RNASET2: variants seen among roughly 807,000 people sequenced by gnomAD.
The protein encoded by RNASET2 is ribonuclease T2, also known as ribonuclease 6.
In RNASET2, 28 loss-of-function variants were observed where a neutral mutation model predicts 33.9. The ratio of observed to expected loss-of-function variants is 0.83; its 90% CI spans 0.61 to 1.13. The LOEUF (loss-of-function observed/expected upper bound fraction) is 1.13. RNASET2 is among the 50% of genes most tolerant of loss of function. RNASET2 has a pLI of 0.00. For missense variants in RNASET2, 330 were observed against 319.9 expected (o/e 1.03, Z -0.24); for synonymous variants, 123 against 121.0 (o/e 1.02, Z -0.11).
rs889354320 is a variant in RNASET2, at chr6:166,926,374, C to G, written c.*3214G>C. Among the ~76,000 whole-genome samples, 15 of 151,780 alleles carry G rather than the reference C, an allele frequency of 9.9e-5. No individual in the cohort carries two copies. Among genetic ancestry groups the G allele is most frequent in the Admixed American group, 5.2e-4 (8 of 15,258 alleles). On this transcript the variant is annotated 3_prime_UTR_variant, in exon 9 of 9. Transcript: ENST00000508775. ...CCAACACAGTGAAACCCCAACTCTA[C>G]TAAAAATACAAAAAATAGCCGGGCA...
In RNASET2 at chr6:166,938,975, G is replaced by C; in HGVS notation, c.366C>G (p.Ala122=). ...GGGAGTTGAGCGCATCCACCTGGGC[G>C]GCGCAGGTCCCATGCTTTTCCCACT... is the stretch of plus-strand genomic sequence containing the variant. The part of the protein sequence containing the change: ...KHEWEKHGTC[A]AQVDALNSQK... Residue 122 remains alanine (A), a synonymous_variant, in exon 6 of 9, where the codon GCC becomes GCG. Transcript: ENST00000508775. The C allele has an allele frequency of 6.2e-7, 1 of 1,613,570 alleles. No individual in the cohort carries two copies. Among genetic ancestry groups the C allele is most frequent in the Non-Finnish European group, 8.5e-7 (1 of 1,179,958 alleles).
Position 166,928,812 on chromosome 6 carries a change from C to T in RNASET2, c.*776G>A, listed in dbSNP as rs758844470. 1.3e-5 allele frequency among the ~76,000 whole-genome samples: 2 copies of T among 152,190 alleles called. No homozygotes were observed. The highest frequency in any genetic ancestry group is 2.9e-5 in the Non-Finnish European group (2 of 68,030). On this transcript the variant is annotated 3_prime_UTR_variant, in exon 9 of 9. Coordinates refer to ENST00000508775, the MANE Select transcript of RNASET2 (RefSeq NM_003730.6). ...TCACATATCTAGAAGGTAAGGGTAC[C>T]TCCGGTTCTGGAACACACAATGTAG... is the stretch of plus-strand genomic sequence containing the variant.
In RNASET2 at chr6:166,946,665, T is replaced by C. The variant is rs112364937; in HGVS notation, c.261+17A>G. 3.0e-3 allele frequency: 4,149 copies of C among 1,368,208 alleles called. 11 individuals are homozygous for C. Among genetic ancestry groups the C allele is most frequent in the Non-Finnish European group, 3.9e-3 (3,776 of 970,318 alleles). 84.8% of individuals were successfully genotyped at this position (1,368,208 alleles called of 1,614,324 possible). On this transcript the variant is annotated intron_variant, in intron 4 of 8. Transcript: ENST00000508775. ...AGGTCAACACTCTGCAGTAGAAATA[T>C]AATTAAAAGTCAATACCTTAATCTC... is the stretch of plus-strand genomic sequence containing the variant.
rs767752626 is a variant in RNASET2, at chr6:166,922,230, A to C, written c.*7358T>G. Among the ~76,000 whole-genome samples, 1 of 152,220 alleles carries C rather than the reference A, an allele frequency of 6.6e-6. No homozygotes were observed. The highest frequency in any genetic ancestry group is 2.4e-5 in the African/African-American group (1 of 41,456). On this transcript the variant is annotated 3_prime_UTR_variant, in exon 9 of 9. Transcript: ENST00000508775. Reference sequence around the variant, plus strand: ...GGGGACATTATTATAAATGTGAAAGAAGTATCTATAAATGTGATTATGGAT... The same window carrying C: ...GGGGACATTATTATAAATGTGAAAGCAGTATCTATAAATGTGATTATGGAT...
Position 166,925,803 on chromosome 6 carries a change from G to A in RNASET2, c.*3785C>T, listed in dbSNP as rs1345611504. Among the ~76,000 whole-genome samples the A allele has an allele frequency of 6.6e-6, 1 of 152,234 alleles. No homozygotes were observed. The highest frequency in any genetic ancestry group is 6.5e-5 in the Admixed American group (1 of 15,284). On this transcript the variant is annotated 3_prime_UTR_variant, in exon 9 of 9. Coordinates refer to ENST00000508775, the MANE Select transcript of RNASET2 (RefSeq NM_003730.6). ...AACTTGCTAAACTAGGTGAGCAGAA[G>A]AGCACTCCAGGCCACCCAAACTGCG...
At chr6:166,955,185 ACACGCACACACGCACGCACACACG>A (rs1158803565) in intron 1 of RNASET2, among the ~76,000 whole-genome samples, 1 of 113,406 alleles carries the variant, frequency 8.8e-6, no homozygotes, top group Non-Finnish European at 1.7e-5. Context: ...CCACACACAC[ACACGCACACACGCACGCACACACG>A]CACGCACACA....
intron 5 of RNASET2, 24 bp from the exon 6 acceptor site, chr6:166,939,032 C>T (rs777594133): frequency 1.0e-4 from 159 of 1,562,232 alleles, no homozygotes; most frequent in Non-Finnish European, 1.4e-4. Flanking sequence ...GAAAAATCTC[C>T]ACTTAAAAGT....
In RNASET2 at chr6:166,956,105, C is replaced by T. The variant is rs1309764777; in HGVS notation, c.78G>A (p.Lys26=). 13 of 1,552,376 alleles carry T rather than the reference C, an allele frequency of 8.4e-6. No individual in the cohort carries two copies. The Admixed American group carries it at 1.4e-4, about 16-fold the overall frequency. ...LALLCLGGAD[K]RLRDNHEWKK... The stretch of plus-strand genomic sequence containing the variant: ...CTCGCAAGGTAACTCACCGCAGGCG[C>T]TTGTCCGCACCGCCCAGGCAAAGCA... The change falls in exon 1 of 9, where the codon AAG becomes AAA. Residue 26 remains lysine, a synonymous_variant. Transcript: ENST00000508775.
In RNASET2 at chr6:166,956,497, C is replaced by T. The variant is rs1779170212; in HGVS notation, c.-315G>A. The T allele has an allele frequency of 4.7e-6, 2 of 429,422 alleles. No individual in the cohort carries two copies. Among genetic ancestry groups the T allele is most frequent in the Non-Finnish European group, 8.5e-6 (2 of 236,216 alleles). 26.6% of individuals were successfully genotyped at this position (429,422 alleles called of 1,614,324 possible). A position where few individuals can be genotyped will look rare whatever the true frequency, so the allele number is the denominator to read the frequency against. On this transcript the variant is annotated 5_prime_UTR_variant, in exon 1 of 9. Coordinates refer to ENST00000508775, the MANE Select transcript of RNASET2 (RefSeq NM_003730.6). ...GCTTCGCGACCCACAGCGACCCCAG[C>T]TCCTCCACGCTGCAGCCGCCGTCCG...
chr6:166,955,253 ACACG>A (rs1164143566), intron 1 of RNASET2, among the ~76,000 whole-genome samples: 1 of 92,072 alleles, frequency 1.1e-5, no homozygotes, highest in African/African-American at 5.4e-5. Context: ...ACACACGCAC[ACACG>A]CACACACACA....
At position 166,928,353 on chromosome 6, in the gene RNASET2, C is replaced by T. The variant is rs1399839820; in HGVS notation, c.*1235G>A. ...TGCATTTCAGACTGTCTTGTAGACACCATGAAGTGAGGTTTTGGTTTGAGC... is the reference window on the plus strand; with the variant it reads ...TGCATTTCAGACTGTCTTGTAGACATCATGAAGTGAGGTTTTGGTTTGAGC... On this transcript the variant is annotated 3_prime_UTR_variant, in exon 9 of 9. Transcript: ENST00000508775. Among the ~76,000 whole-genome samples the T allele has an allele frequency of 2.0e-5, 3 of 152,132 alleles. No homozygotes were observed. Among genetic ancestry groups the T allele is most frequent in the African/African-American group, 4.8e-5 (2 of 41,412 alleles).
rs1253854620 is a variant in RNASET2 at position 166,931,190 on chromosome 6, A to T, written c.493-72T>A. On this transcript the variant is annotated intron_variant, in intron 7 of 8. Transcript: ENST00000508775. The stretch of plus-strand genomic sequence containing the variant: ...GATCTGACAGTTCTGGACTATCCTG[A>T]GCGCAACAGTGGCAGGGTCCTGGTC... 5 of 1,100,918 alleles carry T rather than the reference A, an allele frequency of 4.5e-6. No individual in the cohort carries two copies. The East Asian group carries it at 1.2e-4, about 26-fold the overall frequency. The allele number at this position is 1,100,918 out of a possible 1,614,324, so 68.2% of individuals were successfully genotyped here.
intron 2 of RNASET2, among the ~76,000 whole-genome samples, chr6:166,949,528 AAG>A (rs1322256872): frequency 5.9e-5 from 9 of 151,604 alleles, no homozygotes; most frequent in African/African-American, 2.2e-4. Context: ...AAAAAAAAGA[AAG>A]AAATGATCAA....
intron 5 of RNASET2, among the ~76,000 whole-genome samples, chr6:166,940,857 G>A (rs537997317): frequency 2.7e-4 from 41 of 152,030 alleles, no homozygotes; most frequent in Admixed American, 4.6e-4. Context: ...AGCCAGGAGC[G>A]GATGTCCCAG....
intron 1 of RNASET2, chr6:166,952,790 G>C: frequency 2.1e-6 from 1 of 480,334 alleles, no homozygotes. Flanking sequence ...AAGGGGAGGA[G>C]GGGAGAGGAG....
Position 166,924,186 on chromosome 6 carries a change from T to C in RNASET2, c.*5402A>G, listed in dbSNP as rs970170148. ...ATTTCGGCTCACTGCAACCTCTGCC[T>C]CCTGGCTTCAAGTGATTCATTCTCC... On this transcript the variant is annotated 3_prime_UTR_variant, in exon 9 of 9. Coordinates refer to ENST00000508775, the MANE Select transcript of RNASET2 (RefSeq NM_003730.6). Among the ~76,000 whole-genome samples, 13 of 152,260 alleles carry C rather than the reference T, an allele frequency of 8.5e-5. No homozygotes were observed. The highest frequency in any genetic ancestry group is 1.9e-4 in the Non-Finnish European group (13 of 68,022).
intron 2 of RNASET2, among the ~76,000 whole-genome samples, chr6:166,952,248 G>A (rs1035005158): frequency 5.9e-5 from 9 of 152,190 alleles, no homozygotes; most frequent in African/African-American, 1.7e-4. Flanking sequence ...TTCCAGGACC[G>A]TGAGAATAAA....
intron 2 of RNASET2, among the ~76,000 whole-genome samples, chr6:166,949,457 C>G (rs1325603049): frequency 1.5e-5 from 2 of 135,674 alleles, no homozygotes; most frequent in East Asian, 4.5e-4. Context: ...GCCGAGATCG[C>G]GCCACTGCAC....
chr6:166,955,175 CCACACACACACA>C (rs144459587), intron 1 of RNASET2, among the ~76,000 whole-genome samples: 2 of 131,026 alleles, frequency 1.5e-5, no homozygotes, highest in Admixed American at 7.7e-5. Flanking sequence ...TGGGCGGCTG[CCACACACACACA>C]CGCACACACG....
Sources: gnomAD v4.1 joint callset for allele counts (sites outside exome capture counted in the v4.1 genomes callset) on GRCh38, gnomAD v4.1.1 for gene constraint, MANE v1.5 for transcripts, NCBI Gene and HGNC (gene_info 2026-07-23, HGNC 2026-07-21) for gene names.